CSMD1: variants seen among roughly 807,000 people sequenced by gnomAD.
The protein encoded by CSMD1 is CUB and sushi domain-containing protein 1.
Under a neutral mutation model 417.5 loss-of-function variants are expected in CSMD1, and 213 were observed. The ratio of observed to expected loss-of-function variants is 0.51; its 90% CI spans 0.46 to 0.57. CSMD1 has a LOEUF of 0.57. CSMD1 is among the 20% of genes least tolerant of loss of function. The pLI is 0.00. For synonymous variants in CSMD1, 2,862 were observed against 1,736.8 expected (o/e 1.65, Z -16.11); for missense variants, 6,923 against 4,529.7 (o/e 1.53, Z -15.17).
intron 23 of CSMD1, among the ~76,000 whole-genome samples, chr8:3,317,985 A>ATCTT: frequency 6.6e-6 from 1 of 152,190 alleles, no homozygotes; most frequent in South Asian, 2.1e-4. Context: ...TAATATTTGT[A>ATCTT]TCTTTTGTAG....
In CSMD1 at chr8:3,493,021, G is replaced by A. The variant is rs74304372; in HGVS notation, c.1448+602C>T. Among the ~76,000 whole-genome samples, 53 of 152,094 alleles carry A rather than the reference G, an allele frequency of 3.5e-4. 1 individual carries two copies. Among genetic ancestry groups the A allele is most frequent in the African/African-American group, 1.2e-3 (50 of 41,484 alleles). ...TAAAAAAGAGGTGTTGGCTGGGTGC[G>A]GTGGTTCACACCTGTAATCCCCAAC... On this transcript the variant is annotated intron_variant, in intron 11 of 69. Transcript: ENST00000635120.
chr8:4,206,044 A>C (rs1799958659), intron 3 of CSMD1, among the ~76,000 whole-genome samples: 1 of 152,082 alleles, frequency 6.6e-6, no homozygotes, highest in African/African-American at 2.4e-5. Context: ...CCATGCCATA[A>C]ATCTTCCCTG....
chr8:2,957,591 G>T, intron 63 of CSMD1, 105 bp downstream of exon 63: 1 of 787,802 alleles, frequency 1.3e-6, no homozygotes, highest in South Asian at 1.7e-5. Context: ...TTTAGGATTA[G>T]GGAATTAAAA....
At chr8:3,307,633 G>A (rs553867536) in intron 25 of CSMD1, 62 bp downstream of exon 25, 11 of 1,531,466 alleles carry the variant, frequency 7.2e-6, no homozygotes, top group Non-Finnish European at 9.8e-6. Context: ...CACTATCTCT[G>A]CTACAAGAAT....
intron 11 of CSMD1, among the ~76,000 whole-genome samples, chr8:3,478,368 C>T (rs1446734262): frequency 2.0e-5 from 3 of 152,194 alleles, no homozygotes; most frequent in Non-Finnish European, 4.4e-5. Flanking sequence ...ATTTCCTTTA[C>T]TGAGTGCAGC....
chr8:3,547,669 T>A (rs957894189), intron 10 of CSMD1, among the ~76,000 whole-genome samples: 2 of 152,226 alleles, frequency 1.3e-5, no homozygotes, highest in African/African-American at 4.8e-5. Flanking sequence ...TTAAATATAC[T>A]ACAACCTTTC....
chr8:3,596,977 G>A (rs978703583), intron 8 of CSMD1, among the ~76,000 whole-genome samples: 1 of 152,144 alleles, frequency 6.6e-6, no homozygotes, highest in Admixed American at 6.5e-5. Context: ...TTGGTGCAAT[G>A]GCTCACTCTG....
intron 49 of CSMD1, among the ~76,000 whole-genome samples, chr8:3,058,406 A>G (rs572323096): frequency 9.8e-5 from 15 of 152,326 alleles, no homozygotes; most frequent in Non-Finnish European, 1.9e-4. Context: ...AATATTTTGC[A>G]ATCATTACAA....
intron 1 of CSMD1, among the ~76,000 whole-genome samples, chr8:4,896,464 A>G (rs1804489755): frequency 6.6e-6 from 1 of 152,088 alleles, no homozygotes; most frequent in Admixed American, 6.5e-5. Context: ...AAAATGTTGA[A>G]ACTCTCAAAC....
At chr8:3,937,811 G>A (rs951879855) in intron 5 of CSMD1, among the ~76,000 whole-genome samples, 2 of 152,002 alleles carry the variant, frequency 1.3e-5, no homozygotes, top group Non-Finnish European at 2.9e-5. Flanking sequence ...TTCAATTACT[G>A]CTTACACAGG....
intron 3 of CSMD1, among the ~76,000 whole-genome samples, chr8:4,237,079 A>T (rs1285489273): frequency 6.6e-6 from 1 of 152,158 alleles, no homozygotes; most frequent in African/African-American, 2.4e-5. Context: ...TTACGCCTAC[A>T]ATTTTATTCT....
intron 5 of CSMD1, among the ~76,000 whole-genome samples, chr8:3,984,606 A>T (rs576731781): frequency 6.6e-6 from 1 of 150,860 alleles, no homozygotes; most frequent in South Asian, 2.1e-4. Context: ...GTAAGAAAAA[A>T]TACAGCTAGG....
intron 2 of CSMD1, among the ~76,000 whole-genome samples, chr8:4,626,412 G>C (rs1802114992): frequency 2.0e-5 from 3 of 151,984 alleles, no homozygotes. Flanking sequence ...GAAGGAAGTA[G>C]TAGTCCAACA....
intron 1 of CSMD1, among the ~76,000 whole-genome samples, chr8:4,661,303 C>G (rs1481482434): frequency 6.6e-6 from 1 of 152,112 alleles, no homozygotes; most frequent in African/African-American, 2.4e-5. Context: ...ACAATAACAA[C>G]AAATAAAAAC....
intron 7 of CSMD1, among the ~76,000 whole-genome samples, chr8:3,661,774 G>T (rs1269768371): frequency 6.6e-6 from 1 of 152,150 alleles, no homozygotes; most frequent in Non-Finnish European, 1.5e-5. Flanking sequence ...TGGGGTGACA[G>T]GCCTGAGCCA....
chr8:3,571,777 A>C (rs1799953483), intron 10 of CSMD1, among the ~76,000 whole-genome samples: 1 of 152,046 alleles, frequency 6.6e-6, no homozygotes, highest in African/African-American at 2.4e-5. Flanking sequence ...TTTCCCCTGC[A>C]CCACTCCATG....
chr8:3,849,461 C>G (rs2954221), intron 5 of CSMD1, among the ~76,000 whole-genome samples: 2 of 152,002 alleles, frequency 1.3e-5, no homozygotes, highest in South Asian at 2.1e-4. Context: ...GGCGGTTACT[C>G]CTTTTAGTTA....
intron 3 of CSMD1, among the ~76,000 whole-genome samples, chr8:4,279,082 C>A (rs987796002): frequency 1.3e-5 from 2 of 152,042 alleles, no homozygotes; most frequent in African/African-American, 4.8e-5. Context: ...TGAACATTTT[C>A]CTAATTTTTT....
intron 3 of CSMD1, among the ~76,000 whole-genome samples, chr8:4,157,071 G>C (rs770489972): frequency 2.0e-5 from 3 of 152,150 alleles, no homozygotes; most frequent in Admixed American, 2.0e-4. Flanking sequence ...AACAGGGATG[G>C]ACCCGCCATG....
Sources: gnomAD v4.1 joint callset for allele counts (sites outside exome capture counted in the v4.1 genomes callset) on GRCh38, gnomAD v4.1.1 for gene constraint, MANE v1.5 for transcripts, NCBI Gene and HGNC (gene_info 2026-07-23, HGNC 2026-07-21) for gene names.